PTPA: variants seen among roughly 807,000 people sequenced by gnomAD.
The protein encoded by PTPA is serine/threonine-protein phosphatase 2A activator.
PTPA carries 13 observed loss-of-function variants against 43.6 expected under a neutral mutation model. The ratio of observed to expected loss-of-function variants is 0.30; its 90% CI spans 0.19 to 0.47. The LOEUF (loss-of-function observed/expected upper bound fraction) is 0.47. Ranked by LOEUF, PTPA falls within the 20% of genes least tolerant of loss-of-function variation. The pLI, the probability that PTPA is intolerant of heterozygous loss-of-function variation, is 0.99. For missense variants in PTPA, 329 were observed against 411.9 expected, an observed-to-expected ratio of 0.80 and a Z score of 1.74; for synonymous variants, 172 against 158.2, an observed-to-expected ratio of 1.09 and a Z score of -0.66.
chr9:129,111,366 C>G (rs1848463288), upstream of PTPA: 2 of 1,216,274 alleles, frequency 1.6e-6, no homozygotes, highest in South Asian at 4.2e-5. Flanking sequence ...CGGTTCCGCG[C>G]GTCCGCCGCG....
chr9:129,143,103 A>G lies in PTPA; in HGVS notation c.894+551A>G, dbSNP rs1851014851. ...TCTCAAATCAGATGCTGAGGAGAGG[A>G]GAGCTGAGGCTTCCTGGAGCTCCCC... On this transcript the variant is annotated intron_variant, in intron 9 of 9. Transcript: ENST00000393370. The G allele has an allele frequency of 6.1e-6, 4 of 653,396 alleles. 1 individual carries two copies. In the South Asian group the frequency reaches 8.0e-5, roughly 13 times the overall value. 40.5% of individuals were successfully genotyped at this position (653,396 alleles called of 1,614,324 possible). A position where few individuals can be genotyped will look rare whatever the true frequency, so the allele number is the denominator to read the frequency against.
Position 129,136,454 on chromosome 9 carries a change from C to T in PTPA, c.561-17C>T, listed in dbSNP as rs915180231. The T allele has an allele frequency of 1.2e-5, 20 of 1,601,814 alleles. No individual in the cohort carries two copies. The highest frequency in any genetic ancestry group is 1.6e-5 in the Non-Finnish European group (19 of 1,173,638). On this transcript the variant is annotated splice_polypyrimidine_tract_variant and intron_variant, in intron 6 of 9. Coordinates refer to ENST00000393370, the MANE Select transcript of PTPA (RefSeq NM_178000.3). ...TTTACTTTTTGCTACCTTCCCTTTC[C>T]CTGTCCTCCTGTGCAGGTACCTTGA...
intron 9 of PTPA, among the ~76,000 whole-genome samples, chr9:129,146,013 C>T (rs1023917551): frequency 2.0e-5 from 3 of 151,932 alleles, no homozygotes; most frequent in Admixed American, 2.0e-4. Flanking sequence ...ATGGGAAGAA[C>T]CCCTGCCTCC....
In PTPA at chr9:129,111,643, G is replaced by A; in HGVS notation, c.31+12G>A. ...GCAGCCGCCGCCAGGTAAGGCCGGC[G>A]GGGCCAGGCCGGGCCGGGGTCGGGT... On this transcript the variant is annotated intron_variant, in intron 1 of 9. Coordinates refer to ENST00000393370, the MANE Select transcript of PTPA (RefSeq NM_178000.3). 1 of 1,281,822 alleles carries A rather than the reference G, an allele frequency of 7.8e-7. No homozygotes were observed. The highest frequency in any genetic ancestry group is 9.9e-7 in the Non-Finnish European group (1 of 1,006,464). 79.4% of individuals were successfully genotyped at this position (1,281,822 alleles called of 1,614,324 possible).
At chr9:129,137,310 ATTG>A (rs1188095537) in intron 7 of PTPA, among the ~76,000 whole-genome samples, 1 of 152,132 alleles carries the variant, frequency 6.6e-6, no homozygotes, top group African/African-American at 2.4e-5. Flanking sequence ...AGGTGTGGTA[ATTG>A]TTGTCATGGC....
chr9:129,121,626 A>G (rs1032898942), intron 2 of PTPA, among the ~76,000 whole-genome samples: 46 of 152,198 alleles, frequency 3.0e-4, no homozygotes, highest in African/African-American at 1.1e-3. Flanking sequence ...GTCCTGTGCC[A>G]TGTAGGACGT....
intron 8 of PTPA, 148 bp from the exon 9 acceptor site, chr9:129,142,297 T>C: frequency 1.5e-6 from 1 of 649,072 alleles, no homozygotes. Flanking sequence ...TGCTATAGCT[T>C]GGTCCCCAAG....
At chr9:129,124,178 T>G (rs1849430509) in intron 3 of PTPA, among the ~76,000 whole-genome samples, 1 of 152,164 alleles carries the variant, frequency 6.6e-6, no homozygotes, top group African/African-American at 2.4e-5. Context: ...TCTCCTGCAG[T>G]GAGCTGTGCC....
chr9:129,128,963 C>A, intron 3 of PTPA, 22 bp from the exon 4 acceptor site: 6 of 1,612,634 alleles, frequency 3.7e-6, no homozygotes, highest in Non-Finnish European at 5.1e-6. Flanking sequence ...GTAGCTTGGA[C>A]CCCTCTATTT....
chr9:129,128,130 G>A lies in PTPA; in HGVS notation c.217-855G>A, dbSNP rs1378283767. 5.3e-6 allele frequency: 6 copies of A among 1,127,908 alleles called. No homozygotes were observed. In the East Asian group the frequency reaches 3.5e-4, roughly 66 times the overall value. 69.9% of individuals were successfully genotyped at this position (1,127,908 alleles called of 1,614,324 possible). On this transcript the variant is annotated intron_variant, in intron 3 of 9. Transcript: ENST00000393370. ...CTGAGAGGCTCAGAGTTAGTCACTT[G>A]CTCAAGGTCTCACAGCAGCTAAATG...
At chr9:129,125,074 C>T (rs1470206250) in intron 3 of PTPA, among the ~76,000 whole-genome samples, 2 of 152,074 alleles carry the variant, frequency 1.3e-5, no homozygotes, top group Non-Finnish European at 2.9e-5. Context: ...TGCAGGATGG[C>T]TGGGGAAAGA....
intron 1 of PTPA, among the ~76,000 whole-genome samples, chr9:129,118,458 T>G (rs1849038620): frequency 6.6e-6 from 1 of 152,118 alleles, no homozygotes; most frequent in Non-Finnish European, 1.5e-5. Context: ...CACTGCAACC[T>G]CTGCCTCCTG....
At chr9:129,128,297 A>C (rs569676538) in intron 3 of PTPA, among the ~76,000 whole-genome samples, 6 of 152,314 alleles carry the variant, frequency 3.9e-5, no homozygotes, top group African/African-American at 1.4e-4. Context: ...GAACTTTGGG[A>C]GGCCGATGCA....
At chr9:129,133,739 C>T (rs1850146540) in intron 5 of PTPA, among the ~76,000 whole-genome samples, 1 of 152,212 alleles carries the variant, frequency 6.6e-6, no homozygotes, top group Non-Finnish European at 1.5e-5. Flanking sequence ...AAAGTCTGAG[C>T]TCTTTCCTAT....
In PTPA at chr9:129,146,794, C is replaced by T. The variant is rs17486555; in HGVS notation, c.895-593C>T. The stretch of plus-strand genomic sequence containing the variant: ...CCGGGCTGGGCTGGGCTCAGGGAGT[C>T]GGGCCTCCCCCGTGCTCAGCCATTC... On this transcript the variant is annotated intron_variant, in intron 9 of 9. Transcript: ENST00000393370. Among the ~76,000 whole-genome samples, 782 of 152,288 alleles carry T rather than the reference C, an allele frequency of 5.1e-3. 5 individuals are homozygous for T. The highest frequency in any genetic ancestry group is 0.017 in the African/African-American group (726 of 41,556).
At position 129,137,846 on chromosome 9, in the gene PTPA, C is replaced by T. The variant is rs968961244; in HGVS notation, c.786+154C>T. 16 of 723,892 alleles carry T rather than the reference C, an allele frequency of 2.2e-5. No individual in the cohort carries two copies. In the Admixed American group the frequency reaches 2.6e-4, roughly 12 times the overall value. The allele number at this position is 723,892 out of a possible 1,614,324, so 44.8% of individuals were successfully genotyped here. On this transcript the variant is annotated intron_variant, in intron 8 of 9. Transcript: ENST00000393370. ...TTATTGAAAAGGAAGCACCACTGGG[C>T]CTCTTCCGAAAGAGCCGCTGCTGAC...
In PTPA at chr9:129,147,671, G is replaced by C. The variant is rs1273644061; in HGVS notation, c.*207G>C. On this transcript the variant is annotated 3_prime_UTR_variant, in exon 10 of 10. Coordinates refer to ENST00000393370, the MANE Select transcript of PTPA (RefSeq NM_178000.3). ...GGGAGAAGTGACCAAAGTGTAGCCA[G>C]TTTTCTGAGTTCCCGTGTGCTAGAC... is the stretch of plus-strand genomic sequence containing the variant. 3 of 569,426 alleles carry C rather than the reference G, an allele frequency of 5.3e-6. No individual in the cohort carries two copies. Among genetic ancestry groups the C allele is most frequent in the African/African-American group, 3.8e-5 (2 of 52,966 alleles). 35.3% of individuals were successfully genotyped at this position (569,426 alleles called of 1,614,324 possible). A position where few individuals can be genotyped will look rare whatever the true frequency, so the allele number is the denominator to read the frequency against.
intron 3 of PTPA, among the ~76,000 whole-genome samples, chr9:129,128,702 T>C (rs1849749172): frequency 6.6e-6 from 1 of 152,132 alleles, no homozygotes; most frequent in Non-Finnish European, 1.5e-5. Context: ...GGAGTTAGCT[T>C]CTCTATAGCA....
In PTPA at chr9:129,147,551, T is replaced by G. The variant is rs1851386067; in HGVS notation, c.*87T>G. On this transcript the variant is annotated 3_prime_UTR_variant, in exon 10 of 10. Coordinates refer to ENST00000393370, the MANE Select transcript of PTPA (RefSeq NM_178000.3). Reference sequence around the variant, plus strand: ...CAGTGGCCCCTCCCCATCCCCTCCCTCTGTTCGTCCCGTTTGATGAGAGGC... The same window carrying G: ...CAGTGGCCCCTCCCCATCCCCTCCCGCTGTTCGTCCCGTTTGATGAGAGGC... 2 of 1,365,960 alleles carry G rather than the reference T, an allele frequency of 1.5e-6. No homozygotes were observed. The highest frequency in any genetic ancestry group is 1.8e-5 in the Admixed American group (1 of 54,974). 84.6% of individuals were successfully genotyped at this position (1,365,960 alleles called of 1,614,324 possible). A position where few individuals can be genotyped will look rare whatever the true frequency, so the allele number is the denominator to read the frequency against.
Sources: allele counts gnomAD v4.1 joint callset (sites outside exome capture counted in the v4.1 genomes callset), GRCh38; gene constraint gnomAD v4.1.1; transcripts MANE v1.5; gene names NCBI Gene and HGNC (gene_info 2026-07-23, HGNC 2026-07-21).